The following ARF3 variants were observed in gnomAD, a reference collection of about 807,000 sequenced individuals.
ARF3 encodes ARF GTPase 3, also known as ADP-ribosylation factor 3.
ARF3 carries 5 observed loss-of-function variants against 19.3 expected under a neutral mutation model. That is an observed-to-expected ratio of 0.26 (90% CI 0.14 to 0.54). The LOEUF (loss-of-function observed/expected upper bound fraction) is 0.54. ARF3 is among the 20% of genes least tolerant of loss of function. ARF3 has a pLI of 0.95. For missense variants in ARF3, 77 were observed against 234.2 expected (o/e 0.33, Z 4.38); for synonymous variants, 71 against 89.2 (o/e 0.80, Z 1.15).
At chr12:48,951,678 G>A (rs369430344) in intron 1 of ARF3, among the ~76,000 whole-genome samples, 2 of 152,182 alleles carry the variant, frequency 1.3e-5, no homozygotes, top group Admixed American at 6.5e-5. Flanking sequence ...TCGGGAGTTC[G>A]AGACCAGCCT....
At chr12:48,956,197 A>T (rs1013012876) in intron 1 of ARF3, 1 of 152,200 alleles carries the variant, frequency 6.6e-6, no homozygotes, top group African/African-American at 2.4e-5. Flanking sequence ...TCCCAATAAA[A>T]CTTTCATGCC....
chr12:48,943,560 C>T (rs1592240328), intron 1 of ARF3, among the ~76,000 whole-genome samples: 2 of 152,304 alleles, frequency 1.3e-5, no homozygotes, highest in Admixed American at 1.3e-4. Context: ...TACAAGCTAA[C>T]GCATGGGGGT....
intron 1 of ARF3, among the ~76,000 whole-genome samples, chr12:48,949,468 AC>A (rs1169807639): frequency 6.6e-6 from 1 of 151,910 alleles, no homozygotes; most frequent in Non-Finnish European, 1.5e-5. Context: ...CTCATGATCC[AC>A]CCACCTCGGC....
In ARF3 at chr12:48,939,822, C is replaced by T. The variant is rs1940219195; in HGVS notation, c.260-43G>A. 6 of 1,611,326 alleles carry T rather than the reference C, an allele frequency of 3.7e-6. No homozygotes were observed. The highest frequency in any genetic ancestry group is 2.7e-5 in the African/African-American group (2 of 74,818). Reference sequence around the variant, plus strand: ...GGGCTGCACTAAGATGACAGGTAACCCCCTCCCCCCAACCAAAAGACCACA... The same window carrying T: ...GGGCTGCACTAAGATGACAGGTAACTCCCTCCCCCCAACCAAAAGACCACA... On this transcript the variant is annotated intron_variant, in intron 3 of 4. Coordinates refer to ENST00000256682, the MANE Select transcript of ARF3 (RefSeq NM_001659.3). The surrounding 1 kb of genome is among the most constrained non-coding windows in gnomAD (Gnocchi z 4.8).
intron 1 of ARF3, among the ~76,000 whole-genome samples, chr12:48,954,200 C>T (rs1419754704): frequency 1.3e-5 from 2 of 152,250 alleles, no homozygotes; most frequent in Admixed American, 6.5e-5. Context: ...TTCAGGGCCC[C>T]TGCCTTGCTC....
intron 1 of ARF3, among the ~76,000 whole-genome samples, chr12:48,953,687 G>A (rs1940508366): frequency 6.6e-6 from 1 of 152,156 alleles, no homozygotes; most frequent in Non-Finnish European, 1.5e-5. Flanking sequence ...CACATGGTGT[G>A]GCAGATCCTT....
chr12:48,947,616 A>G (rs1565709145), intron 1 of ARF3, among the ~76,000 whole-genome samples: 1 of 152,124 alleles, frequency 6.6e-6, no homozygotes, highest in East Asian at 1.9e-4. Flanking sequence ...TCATTCATCA[A>G]ACATTTATTG....
intron 1 of ARF3, among the ~76,000 whole-genome samples, chr12:48,949,372 C>G (rs949690538): frequency 6.6e-6 from 1 of 151,984 alleles, no homozygotes; most frequent in African/African-American, 2.4e-5. Flanking sequence ...ACTACAGGCG[C>G]CCGCCACTAC....
intron 1 of ARF3, among the ~76,000 whole-genome samples, chr12:48,942,018 C>A (rs1017400297): frequency 6.6e-6 from 1 of 152,162 alleles, no homozygotes; most frequent in Non-Finnish European, 1.5e-5. Context: ...GCCTATTCTC[C>A]ATATAGCATC....
intron 1 of ARF3, among the ~76,000 whole-genome samples, chr12:48,947,858 G>C (rs558665247): frequency 6.6e-6 from 1 of 152,078 alleles, no homozygotes; most frequent in South Asian, 2.1e-4. Flanking sequence ...AAAGGAAGAC[G>C]AGGAAGTAAT....
rs1242754250 is a variant in ARF3, at chr12:48,938,274, A to T, written c.*673T>A. The T allele has an allele frequency of 9.9e-6, 4 of 404,590 alleles. No homozygotes were observed. In the Admixed American group the frequency reaches 1.1e-4, roughly 11 times the overall value. 25.1% of individuals were successfully genotyped at this position (404,590 alleles called of 1,614,324 possible). On this transcript the variant is annotated 3_prime_UTR_variant, in exon 5 of 5. Transcript: ENST00000256682. The stretch of plus-strand genomic sequence containing the variant: ...ATCATCCAGAAAAACCTACCTGCAG[A>T]GAGGAGGGTAACCAGTCAAAGACTG...
intron 1 of ARF3, among the ~76,000 whole-genome samples, chr12:48,954,578 G>A (rs1455348313): frequency 2.0e-5 from 3 of 152,150 alleles, no homozygotes; most frequent in Non-Finnish European, 4.4e-5. Context: ...CTTTACAGAT[G>A]AAGAAAATAA....
At chr12:48,941,746 T>C (rs1940260685) in intron 1 of ARF3, among the ~76,000 whole-genome samples, 1 of 152,152 alleles carries the variant, frequency 6.6e-6, no homozygotes, top group East Asian at 1.9e-4. Context: ...CACACCAAAA[T>C]AAAGGAGGAA....
chr12:48,939,555 G>A lies in ARF3; in HGVS notation c.384+100C>T, dbSNP rs1033045402. ...CAGTTTCCCACGCTTCTAACATTGA[G>A]AGCATACTAAAAGGGTTAACCATAT... On this transcript the variant is annotated intron_variant, in intron 4 of 4. Coordinates refer to ENST00000256682, the MANE Select transcript of ARF3 (RefSeq NM_001659.3). The surrounding 1 kb of genome is among the most constrained non-coding windows in gnomAD (Gnocchi z 4.8). 6.6e-6 allele frequency: 10 copies of A among 1,517,284 alleles called. No homozygotes were observed. Among genetic ancestry groups the A allele is most frequent in the Non-Finnish European group, 9.0e-6 (10 of 1,108,572 alleles). The allele number at this position is 1,517,284 out of a possible 1,614,324, so 94.0% of individuals were successfully genotyped here.
intron 1 of ARF3, among the ~76,000 whole-genome samples, chr12:48,949,987 A>G (rs1313564909): frequency 6.6e-6 from 1 of 152,252 alleles, no homozygotes; most frequent in Non-Finnish European, 1.5e-5. Context: ...ATGTCAGAGC[A>G]GAAAAATGGG....
chr12:48,946,678 T>C (rs924914695), intron 1 of ARF3, among the ~76,000 whole-genome samples: 1 of 152,220 alleles, frequency 6.6e-6, no homozygotes, highest in Non-Finnish European at 1.5e-5. Flanking sequence ...TTAAGCCTCA[T>C]CTAAGGATAT....
chr12:48,939,867 A>G lies in ARF3; in HGVS notation c.260-88T>C. 6.2e-7 allele frequency: 1 copy of G among 1,600,972 alleles called. No individual in the cohort carries two copies. The highest frequency in any genetic ancestry group is 8.5e-7 in the Non-Finnish European group (1 of 1,169,664). On this transcript the variant is annotated intron_variant, in intron 3 of 4. Transcript: ENST00000256682. The surrounding 1 kb of genome is among the most constrained non-coding windows in gnomAD (Gnocchi z 4.8). The stretch of plus-strand genomic sequence containing the variant: ...ACCACACCTGCCTGACACCCTCCAA[A>G]TATTTGCTCCCTTTCCTCCCTTTCT...
In ARF3 at chr12:48,938,767, T is replaced by A; in HGVS notation, c.*180A>T. 2.9e-6 allele frequency: 2 copies of A among 701,016 alleles called. No individual in the cohort carries two copies. The highest frequency in any genetic ancestry group is 2.9e-5 in the Admixed American group (1 of 34,356). 43.4% of individuals were successfully genotyped at this position (701,016 alleles called of 1,614,324 possible). A position where few individuals can be genotyped will look rare whatever the true frequency, so the allele number is the denominator to read the frequency against. ...CATCAGGACAGCAATTAGGGATTGG[T>A]CATATAGGTGGACAGGAAAAAGGAG... On this transcript the variant is annotated 3_prime_UTR_variant, in exon 5 of 5. Coordinates refer to ENST00000256682, the MANE Select transcript of ARF3 (RefSeq NM_001659.3).
rs559276948 is a variant in ARF3 at position 48,947,093 on chromosome 12, C to T, written c.-93-5905G>A. On this transcript the variant is annotated intron_variant, in intron 1 of 4. Transcript: ENST00000256682. ...GCACAGCTAACCAAACAGACCAATA[C>T]AATTTAAAGAAACAAAAGCAGAGTA... 1.1e-4 allele frequency among the ~76,000 whole-genome samples: 17 copies of T among 152,244 alleles called. No individual in the cohort carries two copies. The South Asian group carries it at 3.1e-3, about 28-fold the overall frequency.
Sources: allele counts gnomAD v4.1 joint callset (sites outside exome capture counted in the v4.1 genomes callset), GRCh38; gene constraint gnomAD v4.1.1; non-coding constraint Gnocchi (gnomAD v3.1); transcripts MANE v1.5; gene names NCBI Gene and HGNC (gene_info 2026-07-23, HGNC 2026-07-21).